The following PTPN1 variants were observed in gnomAD, a reference collection of about 807,000 sequenced individuals.
PTPN1 encodes tyrosine-protein phosphatase non-receptor type 1.
In PTPN1, 12 loss-of-function variants were observed where a neutral mutation model predicts 59.9. The observed-to-expected ratio is 0.20, with a 90% CI of 0.13 to 0.32. The LOEUF (loss-of-function observed/expected upper bound fraction) is 0.32, where lower values mean the gene tolerates loss of function less well. PTPN1 is among the 10% of genes least tolerant of loss of function. The probability of loss-of-function intolerance (pLI) is 1.00; values close to 1 mark genes in which losing one functional copy is unlikely to be tolerated. For synonymous variants in PTPN1, 178 were observed against 203.6 expected, an observed-to-expected ratio of 0.87 and a Z score of 1.07; for missense variants, 356 against 549.2, an observed-to-expected ratio of 0.65 and a Z score of 3.52.
chr20:50,561,557 G>A, intron 2 of PTPN1, 104 bp downstream of exon 2: 1 of 664,666 alleles, frequency 1.5e-6, no homozygotes, highest in Non-Finnish European at 2.5e-6. Context: ...ATAAATCAAT[G>A]TAGCAGAGGT....
chr20:50,576,567 A>G (rs1472513297), intron 5 of PTPN1, among the ~76,000 whole-genome samples: 3 of 152,140 alleles, frequency 2.0e-5, no homozygotes, highest in African/African-American at 7.2e-5. Flanking sequence ...TTCTTATTCA[A>G]TTTTAAAATA....
At chr20:50,533,766 G>A (rs76419992) in intron 1 of PTPN1, among the ~76,000 whole-genome samples, 1,577 of 152,122 alleles carry the variant, frequency 0.01, 29 homozygotes, top group African/African-American at 0.035. Context: ...CAAGAAGATA[G>A]GTCAGGTGAG....
At chr20:50,520,399 C>G (rs1799139332) in intron 1 of PTPN1, among the ~76,000 whole-genome samples, 1 of 150,630 alleles carries the variant, frequency 6.6e-6, no homozygotes, top group African/African-American at 2.4e-5. Flanking sequence ...TAAGTGATTT[C>G]TTTGCTTTGT....
intron 1 of PTPN1, among the ~76,000 whole-genome samples, chr20:50,516,364 T>C (rs1243120806): frequency 6.6e-6 from 1 of 152,206 alleles, no homozygotes; most frequent in African/African-American, 2.4e-5. Context: ...TCAGCTGTCA[T>C]ACTAACAGTG....
chr20:50,527,590 G>A (rs1309562925), intron 1 of PTPN1, among the ~76,000 whole-genome samples: 1 of 152,080 alleles, frequency 6.6e-6, no homozygotes, highest in Non-Finnish European at 1.5e-5. Context: ...GGCCAGGCTA[G>A]CCTCAAGTGA....
chr20:50,582,929 C>A lies in PTPN1; in HGVS notation c.*214C>A. 1 of 605,510 alleles carries A rather than the reference C, an allele frequency of 1.7e-6. No homozygotes were observed. Among genetic ancestry groups the A allele is most frequent in the Non-Finnish European group, 2.9e-6 (1 of 339,094 alleles). 37.5% of individuals were successfully genotyped at this position (605,510 alleles called of 1,614,324 possible). On this transcript the variant is annotated 3_prime_UTR_variant, in exon 10 of 10. Transcript: ENST00000371621. This position sits in a 1 kb window ranked among gnomAD's most constrained non-coding sequence, Gnocchi z 4.2. Reference sequence around the variant, plus strand: ...TTTTTGCCCCTTCCACTTTGAGTACCAAATCCACAAGCCATTTTTTGAGGA... The same window carrying A: ...TTTTTGCCCCTTCCACTTTGAGTACAAAATCCACAAGCCATTTTTTGAGGA...
rs1305515237 is a variant in PTPN1 at position 50,562,528 on chromosome 20, TGAAGATGAA to T, written c.154+1077_154+1085del. ...AGTTGTTCTCTCTCATAGGAGTGTG[TGAAGATGAA>T]GCAACATAAGCTGCTTAGCCCAGCG... On this transcript the variant is annotated intron_variant, in intron 2 of 9. Coordinates refer to ENST00000371621, the MANE Select transcript of PTPN1 (RefSeq NM_002827.4). 3.3e-5 allele frequency among the ~76,000 whole-genome samples: 5 copies of T among 152,302 alleles called. No individual in the cohort carries two copies. The East Asian group carries it at 9.6e-4, about 29-fold the overall frequency.
At chr20:50,511,138 T>C (rs745694434) in intron 1 of PTPN1, among the ~76,000 whole-genome samples, 38 of 152,212 alleles carry the variant, frequency 2.5e-4, no homozygotes, top group Admixed American at 4.6e-4. Flanking sequence ...AAGCTTATTC[T>C]GTGCTAGGCA....
At chr20:50,556,445 C>T (rs1029356318) in intron 1 of PTPN1, among the ~76,000 whole-genome samples, 6 of 152,154 alleles carry the variant, frequency 3.9e-5, no homozygotes, top group African/African-American at 1.2e-4. Flanking sequence ...CCCACCTCGG[C>T]TCCCAAAGTG....
rs373747118 is a variant in PTPN1, at chr20:50,579,146, A to G, written c.703-22A>G. 10 of 1,613,022 alleles carry G rather than the reference A, an allele frequency of 6.2e-6. No individual in the cohort carries two copies. The African/African-American group carries it at 9.3e-5, about 15-fold the overall frequency. ...CTTGAGAATTGGACCTGGCTGACTT[A>G]TATCTCCTCTCTGGCTTTCAGATGG... is the stretch of plus-strand genomic sequence containing the variant. On this transcript the variant is annotated intron_variant, in intron 6 of 9. Transcript: ENST00000371621.
intron 1 of PTPN1, among the ~76,000 whole-genome samples, chr20:50,511,857 C>T (rs1299223692): frequency 6.6e-6 from 1 of 152,170 alleles, no homozygotes; most frequent in Non-Finnish European, 1.5e-5. Context: ...AGCTTATAGG[C>T]TCAAAAGGCA....
At chr20:50,551,179 C>T (rs1238605303) in intron 1 of PTPN1, among the ~76,000 whole-genome samples, 3 of 152,130 alleles carry the variant, frequency 2.0e-5, no homozygotes, top group African/African-American at 7.2e-5. Flanking sequence ...AAGCATGTTA[C>T]CCCTTTGTGT....
chr20:50,580,877 A>G (rs186540690), intron 8 of PTPN1, among the ~76,000 whole-genome samples: 45 of 152,316 alleles, frequency 3.0e-4, no homozygotes, highest in Admixed American at 1.8e-3. Context: ...CTCTTAAAGA[A>G]TGAGATCTGG....
chr20:50,543,780 T>C (rs556207151), intron 1 of PTPN1, among the ~76,000 whole-genome samples: 17 of 152,342 alleles, frequency 1.1e-4, no homozygotes, highest in African/African-American at 4.1e-4. Context: ...TTTCTACTTT[T>C]AGAAGCAATA....
intron 1 of PTPN1, among the ~76,000 whole-genome samples, chr20:50,510,892 G>T (rs1195586417): frequency 6.6e-6 from 1 of 151,794 alleles, no homozygotes; most frequent in Non-Finnish European, 1.5e-5. Flanking sequence ...CTCGCACCCC[G>T]ACCCCGCCCC....
In PTPN1 at chr20:50,579,292, A is replaced by G. The variant is rs1467589776; in HGVS notation, c.827A>G (p.Glu276Gly). The change falls in exon 7 of 10, where the codon GAA (glutamate) becomes GGA (glycine). Residue 276 changes from glutamate (E) to glycine (G), a missense_variant. Coordinates refer to ENST00000371621, the MANE Select transcript of PTPN1 (RefSeq NM_002827.4). ...CGCTTCTCCTACCTGGCTGTGATCG[A>G]AGGTGCCAAATTCATCATGGGGGAC... Reference protein sequence around the residue: ...QLRFSYLAVIEGAKFIMGDSS... With the variant: ...QLRFSYLAVIGGAKFIMGDSS... 1 of 1,614,228 alleles carries G rather than the reference A, an allele frequency of 6.2e-7. No individual in the cohort carries two copies. The highest frequency in any genetic ancestry group is 8.5e-7 in the Non-Finnish European group (1 of 1,180,032).
chr20:50,561,497 T>C lies in PTPN1; in HGVS notation c.154+44T>C, dbSNP rs774092628. On this transcript the variant is annotated intron_variant, in intron 2 of 9. Coordinates refer to ENST00000371621, the MANE Select transcript of PTPN1 (RefSeq NM_002827.4). Reference sequence around the variant, plus strand: ...GGTACCAGTCTTGCTCTTCCTTTGCTGCAGGCCTTTTTAGTCAAGACTCCT... The same window carrying C: ...GGTACCAGTCTTGCTCTTCCTTTGCCGCAGGCCTTTTTAGTCAAGACTCCT... 18 of 1,340,198 alleles carry C rather than the reference T, an allele frequency of 1.3e-5. No homozygotes were observed. In the East Asian group the frequency reaches 4.2e-4, roughly 31 times the overall value. The allele number at this position is 1,340,198 out of a possible 1,614,324, so 83.0% of individuals were successfully genotyped here.
intron 1 of PTPN1, among the ~76,000 whole-genome samples, chr20:50,533,994 G>T (rs764709839): frequency 6.6e-6 from 1 of 152,120 alleles, no homozygotes; most frequent in Non-Finnish European, 1.5e-5. Flanking sequence ...GCAATGGCGC[G>T]ATCTCGGCTC....
In PTPN1 at chr20:50,522,499, A is replaced by G. The variant is rs139876487; in HGVS notation, c.63+11909A>G. Among the ~76,000 whole-genome samples, 313 of 152,386 alleles carry G rather than the reference A, an allele frequency of 2.1e-3. 1 individual carries two copies. Among genetic ancestry groups the G allele is most frequent in the Middle Eastern group, 3.4e-3 (1 of 294 alleles). Reference sequence around the variant, plus strand: ...ACCTTATCCTCATAGCTATAATAAAATAAAATAAATACATACATTGCAGGG... The same window carrying G: ...ACCTTATCCTCATAGCTATAATAAAGTAAAATAAATACATACATTGCAGGG... On this transcript the variant is annotated intron_variant, in intron 1 of 9. Coordinates refer to ENST00000371621, the MANE Select transcript of PTPN1 (RefSeq NM_002827.4).
Sources: allele counts gnomAD v4.1 joint callset (sites outside exome capture counted in the v4.1 genomes callset), GRCh38; gene constraint gnomAD v4.1.1; non-coding constraint Gnocchi (gnomAD v3.1); transcripts MANE v1.5; gene names NCBI Gene and HGNC (gene_info 2026-07-23, HGNC 2026-07-21).